PTPRD: variants seen among roughly 807,000 people sequenced by gnomAD.
The protein encoded by PTPRD is protein tyrosine phosphatase receptor type D, also known as receptor-type tyrosine-protein phosphatase delta.
A neutral mutation model predicts 214.5 loss-of-function variants in PTPRD; 34 were observed. That is an observed-to-expected ratio of 0.16 (90% confidence interval 0.12 to 0.21). The LOEUF is 0.21. Ranked by LOEUF, PTPRD falls within the 10% of genes least tolerant of loss-of-function variation. The probability of loss-of-function intolerance (pLI) is 1.00; values close to 1 mark genes in which losing one functional copy is unlikely to be tolerated. For missense variants in PTPRD, 2,545 were observed against 2,398.7 expected, an observed-to-expected ratio of 1.06 and a Z score of -1.27; for synonymous variants, 1,128 against 845.7, an observed-to-expected ratio of 1.33 and a Z score of -5.79.
At chr9:8,410,353 C>A (rs953287885) in intron 35 of PTPRD, among the ~76,000 whole-genome samples, 1 of 152,172 alleles carries the variant, frequency 6.6e-6, no homozygotes, top group Non-Finnish European at 1.5e-5. Flanking sequence ...AGCTTTCTGG[C>A]TGCCCCTGGT....
chr9:9,204,004 A>G (rs2099943367), intron 9 of PTPRD, among the ~76,000 whole-genome samples: 1 of 152,168 alleles, frequency 6.6e-6, no homozygotes, highest in South Asian at 2.1e-4. Context: ...TGGGGATCAG[A>G]TTAAATTGGG....
chr9:10,182,936 C>A (rs902571286), intron 3 of PTPRD, among the ~76,000 whole-genome samples: 3 of 152,110 alleles, frequency 2.0e-5, no homozygotes, highest in African/African-American at 7.2e-5. Flanking sequence ...GGCTCTCAAC[C>A]AAATTACTTG....
intron 2 of PTPRD, among the ~76,000 whole-genome samples, chr9:10,568,217 T>C (rs555654037): frequency 6.6e-6 from 1 of 150,792 alleles, no homozygotes; most frequent in South Asian, 2.1e-4. Flanking sequence ...ACATGCGGTG[T>C]TTGGTTTTTT....
chr9:10,179,942 G>T (rs1032156133), intron 3 of PTPRD, among the ~76,000 whole-genome samples: 2 of 151,954 alleles, frequency 1.3e-5, no homozygotes, highest in Admixed American at 1.3e-4. Flanking sequence ...TCATTGAAAG[G>T]AAGTCTTAAA....
intron 10 of PTPRD, among the ~76,000 whole-genome samples, chr9:9,109,526 G>A (rs909801123): frequency 1.3e-5 from 2 of 152,076 alleles, no homozygotes; most frequent in East Asian, 3.9e-4. Flanking sequence ...AGCATTTAGT[G>A]GCAAGCATCA....
intron 3 of PTPRD, among the ~76,000 whole-genome samples, chr9:10,169,372 G>A (rs2099184612): frequency 6.6e-6 from 1 of 150,740 alleles, no homozygotes; most frequent in Admixed American, 6.6e-5. Flanking sequence ...TACCTGGGAG[G>A]CTGAGGCAGG....
At chr9:9,829,504 C>G (rs1044908834) in intron 5 of PTPRD, among the ~76,000 whole-genome samples, 1 of 151,714 alleles carries the variant, frequency 6.6e-6, no homozygotes, top group South Asian at 2.1e-4. Flanking sequence ...AGAAAAATTC[C>G]TAAAATAATA....
At chr9:9,686,103 C>A (rs1050432263) in intron 7 of PTPRD, among the ~76,000 whole-genome samples, 6 of 151,226 alleles carry the variant, frequency 4.0e-5, no homozygotes, top group African/African-American at 1.5e-4. Flanking sequence ...ATTTGGAGAA[C>A]TAGATGCTCT....
chr9:9,821,538 G>A (rs888691720), intron 5 of PTPRD, among the ~76,000 whole-genome samples: 17 of 152,180 alleles, frequency 1.1e-4, no homozygotes. Flanking sequence ...AGAGGCTGAA[G>A]AGAAAATATA....
At position 10,466,143 on chromosome 9, in the gene PTPRD, C is replaced by A. The variant is rs562912596; in HGVS notation, c.-599-125126G>T. 3.9e-5 allele frequency among the ~76,000 whole-genome samples: 6 copies of A among 152,126 alleles called. No homozygotes were observed. In the South Asian group the frequency reaches 1.2e-3, roughly 32 times the overall value. On this transcript the variant is annotated intron_variant, in intron 2 of 45. Transcript: ENST00000381196. ...TTTCTTCACGGTATTTGTTTCTATC[C>A]TCCAACAATCAGATGAGGTAAGTAC...
At chr9:9,935,597 A>G (rs1226348002) in intron 5 of PTPRD, among the ~76,000 whole-genome samples, 1 of 151,576 alleles carries the variant, frequency 6.6e-6, no homozygotes, top group Non-Finnish European at 1.5e-5. Context: ...AAATGGAAGA[A>G]CATTCCATGC....
At chr9:10,271,542 TTCTTTTC>T (rs1178820471) in intron 3 of PTPRD, among the ~76,000 whole-genome samples, 44 of 144,030 alleles carry the variant, frequency 3.1e-4, no homozygotes, top group African/African-American at 1.1e-3. Context: ...TTCTTTTCTT[TTCTTTTC>T]TTTTTTTTTT....
intron 3 of PTPRD, among the ~76,000 whole-genome samples, chr9:10,276,395 G>T (rs996906883): frequency 1.3e-5 from 2 of 152,114 alleles, no homozygotes; most frequent in African/African-American, 4.8e-5. Flanking sequence ...CATTAAAAGA[G>T]AACTCAGTTG....
intron 2 of PTPRD, among the ~76,000 whole-genome samples, chr9:10,581,096 G>A (rs2071590876): frequency 6.6e-6 from 1 of 151,822 alleles, no homozygotes; most frequent in South Asian, 2.1e-4. Context: ...GCCATCTCTG[G>A]GCTTCAATTT....
At chr9:10,469,103 A>T (rs1400753909) in intron 2 of PTPRD, among the ~76,000 whole-genome samples, 1 of 152,180 alleles carries the variant, frequency 6.6e-6, no homozygotes, top group Non-Finnish European at 1.5e-5. Flanking sequence ...TCATGCCTTT[A>T]TTCAAATAGT....
intron 3 of PTPRD, among the ~76,000 whole-genome samples, chr9:10,128,033 T>C (rs1443773096): frequency 6.6e-6 from 1 of 152,126 alleles, no homozygotes; most frequent in Non-Finnish European, 1.5e-5. Context: ...CTACAATAAG[T>C]CTGTAAAGGC....
chr9:8,854,090 G>A (rs538544354), intron 11 of PTPRD, among the ~76,000 whole-genome samples: 14 of 152,054 alleles, frequency 9.2e-5, no homozygotes, highest in South Asian at 2.1e-4. Flanking sequence ...TGTATATTTC[G>A]TGACCACTAA....
At chr9:8,675,558 A>C (rs975307257) in intron 12 of PTPRD, among the ~76,000 whole-genome samples, 2 of 150,006 alleles carry the variant, frequency 1.3e-5, no homozygotes, top group African/African-American at 4.9e-5. Context: ...AAAAAAAAAA[A>C]AAAAACCTCA....
chr9:8,912,260 C>A (rs1186546482), intron 11 of PTPRD, among the ~76,000 whole-genome samples: 2 of 152,088 alleles, frequency 1.3e-5, no homozygotes, highest in African/African-American at 4.8e-5. Context: ...AACCAAATGT[C>A]CATCAGTTGG....
Sources: allele counts gnomAD v4.1 joint callset (sites outside exome capture counted in the v4.1 genomes callset), GRCh38; gene constraint gnomAD v4.1.1; transcripts MANE v1.5; gene names NCBI Gene and HGNC (gene_info 2026-07-23, HGNC 2026-07-21).